Variants in PTK7 observed in about 807,000 individuals in gnomAD.
PTK7 encodes protein tyrosine kinase 7 (inactive), also known as inactive tyrosine-protein kinase 7.
Under a neutral mutation model 116.6 loss-of-function variants are expected in PTK7, and 39 were observed. The observed-to-expected ratio is 0.33, with a 90% CI of 0.26 to 0.44. The LOEUF is 0.44. Ranked by LOEUF, PTK7 falls within the 20% of genes least tolerant of loss-of-function variation. The pLI, the probability that PTK7 is intolerant of heterozygous loss-of-function variation, is 1.00. For synonymous variants in PTK7, 546 were observed against 563.6 expected (o/e 0.97, Z 0.44); for missense variants, 1,169 against 1,425.6 (o/e 0.82, Z 2.90).
chr6:43,117,365 T>C (rs1768619726), intron 1 of PTK7, among the ~76,000 whole-genome samples: 1 of 152,150 alleles, frequency 6.6e-6, no homozygotes, highest in Non-Finnish European at 1.5e-5. Context: ...GGAACACCAA[T>C]TGCATTTTAC....
At chr6:43,116,604 TTGTGTGTGTGTGTGTGTG>T (rs751605217) in intron 1 of PTK7, among the ~76,000 whole-genome samples, 49 of 119,168 alleles carry the variant, frequency 4.1e-4, no homozygotes, top group Non-Finnish European at 5.5e-4. Context: ...AAAAGCTGGT[TTGTGTGTGTGTGTGTGTG>T]TGTGTGTGTG....
At chr6:43,116,369 C>T (rs1191784248) in intron 1 of PTK7, among the ~76,000 whole-genome samples, 2 of 152,130 alleles carry the variant, frequency 1.3e-5, no homozygotes, top group East Asian at 1.9e-4. Context: ...GTCGTGTCCC[C>T]GCAGCCTGCT....
chr6:43,149,892 A>T (rs1770968815), intron 17 of PTK7, among the ~76,000 whole-genome samples: 1 of 152,024 alleles, frequency 6.6e-6, no homozygotes, highest in South Asian at 2.1e-4. Context: ...AGGGAGGTGG[A>T]GTGGTAGGCA....
At chr6:43,086,097 C>T (rs1280684462) in intron 1 of PTK7, among the ~76,000 whole-genome samples, 6 of 152,250 alleles carry the variant, frequency 3.9e-5, no homozygotes, top group Admixed American at 1.3e-4. Context: ...CAGATTCTCC[C>T]AAGGGGTGGG....
chr6:43,146,387 G>C (rs958026975), intron 16 of PTK7, among the ~76,000 whole-genome samples: 9 of 152,114 alleles, frequency 5.9e-5, no homozygotes, highest in African/African-American at 2.2e-4. Flanking sequence ...CCTTGGGGTA[G>C]AAATGCCAAT....
intron 1 of PTK7, among the ~76,000 whole-genome samples, chr6:43,077,933 G>A (rs1310815275): frequency 1.3e-5 from 2 of 152,250 alleles, no homozygotes; most frequent in Non-Finnish European, 2.9e-5. Context: ...TGTGATGTGT[G>A]TGGTGGTTAT....
chr6:43,152,135 C>T (rs1417225410), intron 17 of PTK7, among the ~76,000 whole-genome samples: 2 of 152,038 alleles, frequency 1.3e-5, no homozygotes, highest in Non-Finnish European at 2.9e-5. Flanking sequence ...AAGACGTGAG[C>T]CACTGCGCCC....
intron 17 of PTK7, 146 bp downstream of exon 17, chr6:43,146,844 T>C (rs1372499076): frequency 2.4e-5 from 17 of 706,254 alleles, no homozygotes; most frequent in Non-Finnish European, 4.0e-5. Context: ...ACGGTAGTCG[T>C]CTGAAATATA....
In PTK7 at chr6:43,128,997, TTCA is replaced by T. The variant is rs766408074; in HGVS notation, c.104_106del (p.Ile35del). 4.3e-6 allele frequency: 7 copies of T among 1,611,214 alleles called. No individual in the cohort carries two copies. Among genetic ancestry groups the T allele is most frequent in the Non-Finnish European group, 5.9e-6 (7 of 1,178,056 alleles). On this transcript the variant is annotated inframe_deletion, in exon 2 of 20. Transcript: ENST00000230419. ...TACAGGTACCCAGACAGCCATTGTC[TTCA>T]TCAAGCAGCCGTCCTCCCAGGATGC...
chr6:43,088,339 C>T (rs1214521471), intron 1 of PTK7, among the ~76,000 whole-genome samples: 2 of 152,022 alleles, frequency 1.3e-5, no homozygotes, highest in African/African-American at 4.8e-5. Context: ...GACCAGAGTG[C>T]CAGTCCCTCC....
At chr6:43,151,921 T>C (rs1330341401) in intron 17 of PTK7, among the ~76,000 whole-genome samples, 1 of 142,676 alleles carries the variant, frequency 7.0e-6, no homozygotes, top group Non-Finnish European at 1.5e-5. Flanking sequence ...CTCGGCTCAC[T>C]GCAAGCTCCG....
At chr6:43,111,707 G>A (rs1768201701) in intron 1 of PTK7, among the ~76,000 whole-genome samples, 1 of 152,074 alleles carries the variant, frequency 6.6e-6, no homozygotes, top group Non-Finnish European at 1.5e-5. Flanking sequence ...CTGTCACACA[G>A]GCTGGGATGC....
At chr6:43,159,546 A>C (rs1771711796) in intron 18 of PTK7, 1 of 569,072 alleles carries the variant, frequency 1.8e-6, no homozygotes, top group Admixed American at 3.2e-5. Context: ...TTTTCTGTTA[A>C]CATTTAGGCA....
chr6:43,156,400 G>A (rs1453917381), intron 17 of PTK7, among the ~76,000 whole-genome samples: 3 of 151,824 alleles, frequency 2.0e-5, no homozygotes, highest in African/African-American at 4.8e-5. Flanking sequence ...CCAGGAGTTT[G>A]AGACCAGCCT....
intron 1 of PTK7, among the ~76,000 whole-genome samples, chr6:43,081,811 T>C (rs376904937): frequency 2.0e-5 from 3 of 152,182 alleles, no homozygotes; most frequent in Non-Finnish European, 4.4e-5. Context: ...ATCCTAGGCA[T>C]GGGGAGTCTT....
intron 7 of PTK7, among the ~76,000 whole-genome samples, chr6:43,134,939 C>A (rs1405163127): frequency 6.6e-6 from 1 of 151,926 alleles, no homozygotes; most frequent in East Asian, 1.9e-4. Context: ...GACAGCAAGA[C>A]CCTGTCTCCA....
intron 1 of PTK7, among the ~76,000 whole-genome samples, chr6:43,078,155 TG>T (rs1428815805): frequency 6.6e-6 from 1 of 152,178 alleles, no homozygotes; most frequent in Non-Finnish European, 1.5e-5. Context: ...CTGGTGAAGA[TG>T]GGGCTCTTGC....
At chr6:43,136,649 T>A (rs1027567668) in intron 7 of PTK7, among the ~76,000 whole-genome samples, 1 of 152,184 alleles carries the variant, frequency 6.6e-6, no homozygotes, top group Non-Finnish European at 1.5e-5. Flanking sequence ...GCTGCAGTAC[T>A]ACCACTGTGT....
At chr6:43,085,815 C>A (rs978202284) in intron 1 of PTK7, among the ~76,000 whole-genome samples, 1 of 151,784 alleles carries the variant, frequency 6.6e-6, no homozygotes, top group Non-Finnish European at 1.5e-5. Context: ...TGCCCGTAAT[C>A]CCAGCTACTC....
Sources: gnomAD v4.1 joint callset for allele counts (sites outside exome capture counted in the v4.1 genomes callset) on GRCh38, gnomAD v4.1.1 for gene constraint, MANE v1.5 for transcripts, NCBI Gene and HGNC (gene_info 2026-07-23, HGNC 2026-07-21) for gene names.